Variants in COX7B2 observed in about 807,000 individuals in gnomAD.
COX7B2 encodes cytochrome c oxidase subunit 7B2, also known as cytochrome c oxidase subunit 7B2, mitochondrial.
For missense variants in COX7B2, 109 were observed against 95.9 expected, an observed-to-expected ratio of 1.14 and a Z score of -0.57; for synonymous variants, 37 against 32.1, an observed-to-expected ratio of 1.15 and a Z score of -0.51.
intron 2 of COX7B2, among the ~76,000 whole-genome samples, chr4:46,813,493 G>C (rs1719390654): frequency 6.6e-6 from 1 of 152,140 alleles, no homozygotes; most frequent in South Asian, 2.1e-4. Flanking sequence ...CTCGTAAGTG[G>C]GAGCTGAACG....
In COX7B2 at chr4:46,845,948, C is replaced by G. The variant is rs75247504; in HGVS notation, c.-104-934G>C. 5.7e-4 allele frequency among the ~76,000 whole-genome samples: 86 copies of G among 152,100 alleles called. 1 individual carries two copies. In the East Asian group the frequency reaches 0.016, roughly 28 times the overall value. ...TGGTCAATCTGACTAGAAGTAGGTTCTGAGCCAGTTGCTAGGAAATGGAGA... is the reference window on the plus strand; with the variant it reads ...TGGTCAATCTGACTAGAAGTAGGTTGTGAGCCAGTTGCTAGGAAATGGAGA... On this transcript the variant is annotated intron_variant, in intron 1 of 2. Transcript: ENST00000355591.
chr4:46,864,700 A>T (rs1717548508), intron 1 of COX7B2, among the ~76,000 whole-genome samples: 1 of 151,852 alleles, frequency 6.6e-6, no homozygotes, highest in Admixed American at 6.6e-5. Flanking sequence ...GCTGGAGTGC[A>T]GTGGCGCGAT....
chr4:46,907,847 A>ATTTTTT (rs1308450950), intron 1 of COX7B2, among the ~76,000 whole-genome samples: 1 of 67,236 alleles, frequency 1.5e-5, no homozygotes, highest in Non-Finnish European at 3.2e-5. Flanking sequence ...ATTTGAGCAG[A>ATTTTTT]CTTTTTTTTT....
At chr4:46,835,844 C>T (rs1164178703) in intron 2 of COX7B2, among the ~76,000 whole-genome samples, 1 of 152,110 alleles carries the variant, frequency 6.6e-6, no homozygotes, top group Admixed American at 6.5e-5. Flanking sequence ...CAGCCTACTA[C>T]ACATCTAGGC....
intron 2 of COX7B2, among the ~76,000 whole-genome samples, chr4:46,768,954 G>GA (rs549409499): frequency 6.6e-6 from 1 of 151,350 alleles, no homozygotes; most frequent in East Asian, 1.9e-4. Flanking sequence ...GGATAACATA[G>GA]AAAAAATGAA....
chr4:46,907,848 C>CTTTTTTTTTTTTTTTTTTTTGT (rs1720495447), intron 1 of COX7B2, among the ~76,000 whole-genome samples: 1 of 59,730 alleles, frequency 1.7e-5, no homozygotes, highest in Non-Finnish European at 3.1e-5. Flanking sequence ...TTTGAGCAGA[C>CTTTTTTTTTTTTTTTTTTTTGT]TTTTTTTTTT....
At chr4:46,861,108 C>T (rs1717309610) in intron 1 of COX7B2, among the ~76,000 whole-genome samples, 2 of 152,136 alleles carry the variant, frequency 1.3e-5, no homozygotes, top group South Asian at 2.1e-4. Flanking sequence ...CTTAGTTTCC[C>T]TTCTACGAGT....
intron 1 of COX7B2, among the ~76,000 whole-genome samples, chr4:46,871,919 C>T (rs1718016968): frequency 6.6e-6 from 1 of 152,080 alleles, no homozygotes; most frequent in South Asian, 2.1e-4. Flanking sequence ...ATGGTGATTC[C>T]TCAGAGAGCT....
chr4:46,867,780 T>G (rs941338863), intron 1 of COX7B2, among the ~76,000 whole-genome samples: 1 of 152,080 alleles, frequency 6.6e-6, no homozygotes, highest in Non-Finnish European at 1.5e-5. Context: ...GGTATGCTAA[T>G]TTTTTTTGGT....
intron 2 of COX7B2, among the ~76,000 whole-genome samples, chr4:46,761,486 G>A (rs978460006): frequency 2.0e-5 from 3 of 152,054 alleles, no homozygotes; most frequent in South Asian, 2.1e-4. Context: ...CTCCTGGTCC[G>A]AGGGCAGGTG....
Position 46,833,484 on chromosome 4 carries a change from G to T in COX7B2, c.-50+11476C>A, listed in dbSNP as rs559718521. 3.3e-5 allele frequency among the ~76,000 whole-genome samples: 5 copies of T among 152,288 alleles called. No individual in the cohort carries two copies. In the South Asian group the frequency reaches 1.0e-3, roughly 32 times the overall value. ...TTCCAATGGAGAAAGCATGGAAAAA[G>T]TATAGCCCAAATGCAGGTTACTAGC... is the stretch of plus-strand genomic sequence containing the variant. On this transcript the variant is annotated intron_variant, in intron 2 of 2. Transcript: ENST00000355591.
In COX7B2 at chr4:46,781,619, C is replaced by G. The variant is rs112623983; in HGVS notation, c.-49-46378G>C. ...AGTGTGGAGCCCTGCACTGTGGGAG[C>G]CCCTCTCTGGGCTGGCTGAGGCCGG... On this transcript the variant is annotated intron_variant, in intron 2 of 2. Coordinates refer to ENST00000355591, the MANE Select transcript of COX7B2 (RefSeq NM_130902.3). Among the ~76,000 whole-genome samples the G allele has an allele frequency of 2.5e-3, 384 of 152,360 alleles. 3 individuals carry two copies. The highest frequency in any genetic ancestry group is 8.7e-3 in the African/African-American group (361 of 41,594).
intron 2 of COX7B2, among the ~76,000 whole-genome samples, chr4:46,741,041 A>G (rs937165114): frequency 1.3e-5 from 2 of 152,096 alleles, no homozygotes; most frequent in African/African-American, 4.8e-5. Flanking sequence ...GGCATCTTCA[A>G]AAGGATTTGC....
At chr4:46,864,089 A>G (rs531918158) in intron 1 of COX7B2, among the ~76,000 whole-genome samples, 1 of 152,268 alleles carries the variant, frequency 6.6e-6, no homozygotes, top group African/African-American at 2.4e-5. Flanking sequence ...CCAACAAGGG[A>G]AATAATTAAC....
chr4:46,784,691 TGAAGTAAAATTCTCAACCCCAA>T (rs1405444678), intron 2 of COX7B2, among the ~76,000 whole-genome samples: 1 of 152,200 alleles, frequency 6.6e-6, no homozygotes, highest in Non-Finnish European at 1.5e-5. Context: ...GATAACCACC[TGAAGTAAAATTCTCAACCCCAA>T]GATCCACAGA....
intron 1 of COX7B2, among the ~76,000 whole-genome samples, chr4:46,881,200 G>A (rs1306054378): frequency 6.6e-6 from 1 of 152,116 alleles, no homozygotes; most frequent in Non-Finnish European, 1.5e-5. Flanking sequence ...GACGACATGT[G>A]CCCAAGGTGG....
chr4:46,749,333 T>C (rs1715208480), intron 2 of COX7B2, among the ~76,000 whole-genome samples: 1 of 152,190 alleles, frequency 6.6e-6, no homozygotes, highest in Admixed American at 6.5e-5. Context: ...ATCCAAAATG[T>C]CTCCATCCTA....
At chr4:46,843,128 T>C (rs189021084) in intron 2 of COX7B2, among the ~76,000 whole-genome samples, 1 of 152,106 alleles carries the variant, frequency 6.6e-6, no homozygotes, top group East Asian at 1.9e-4. Context: ...ATTATGGTTT[T>C]GATTTGCATT....
At chr4:46,790,509 G>C (rs1717983436) in intron 2 of COX7B2, among the ~76,000 whole-genome samples, 1 of 152,038 alleles carries the variant, frequency 6.6e-6, no homozygotes, top group South Asian at 2.1e-4. Context: ...TCTTATTGTT[G>C]CTCCTTTTCC....
Sources: gnomAD v4.1 joint callset for allele counts (sites outside exome capture counted in the v4.1 genomes callset) on GRCh38, gnomAD v4.1.1 for gene constraint, MANE v1.5 for transcripts, NCBI Gene and HGNC (gene_info 2026-07-23, HGNC 2026-07-21) for gene names.